DPP10: variants seen among roughly 807,000 people sequenced by gnomAD.
DPP10 encodes dipeptidyl peptidase like 10.
Under a neutral mutation model 120.9 loss-of-function variants are expected in DPP10, and 33 were observed. The observed-to-expected ratio is 0.27, with a 90% CI of 0.21 to 0.37. DPP10 has a LOEUF of 0.37. Among genes scored for constraint, DPP10 ranks in the 10% least tolerant of loss-of-function variants. The pLI is 1.00. For missense variants in DPP10, 816 were observed against 942.8 expected, an observed-to-expected ratio of 0.87 and a Z score of 1.76; for synonymous variants, 337 against 326.1, an observed-to-expected ratio of 1.03 and a Z score of -0.36.
intron 1 of DPP10, among the ~76,000 whole-genome samples, chr2:114,979,510 A>T (rs1344093751): frequency 6.6e-6 from 1 of 151,920 alleles, no homozygotes; most frequent in East Asian, 1.9e-4. Flanking sequence ...AATTTTTGTC[A>T]CTAGTTGAGT....
intron 2 of DPP10, among the ~76,000 whole-genome samples, chr2:115,338,494 G>C (rs897919540): frequency 2.5e-4 from 38 of 151,986 alleles, no homozygotes; most frequent in African/African-American, 8.4e-4. Flanking sequence ...TCTTGCCCAG[G>C]CTGGAGTGAA....
At chr2:115,465,801 G>A (rs1327158207) in intron 3 of DPP10, among the ~76,000 whole-genome samples, 2 of 151,514 alleles carry the variant, frequency 1.3e-5, no homozygotes, top group African/African-American at 4.8e-5. Flanking sequence ...CAGCCTGGGT[G>A]ACAGAGTGAG....
chr2:115,651,224 A>G (rs1030450207), intron 5 of DPP10, among the ~76,000 whole-genome samples: 3 of 152,096 alleles, frequency 2.0e-5, no homozygotes, highest in Admixed American at 6.6e-5. Flanking sequence ...AAGCGAGAGA[A>G]CAAACAAAAT....
intron 1 of DPP10, among the ~76,000 whole-genome samples, chr2:115,232,058 G>A (rs753915231): frequency 1.1e-4 from 17 of 152,084 alleles, no homozygotes; most frequent in Admixed American, 6.6e-4. Context: ...TCAAGAGGAC[G>A]TACTTTGGCT....
intron 1 of DPP10, among the ~76,000 whole-genome samples, chr2:115,038,051 T>C (rs1704350265): frequency 6.6e-6 from 1 of 152,134 alleles, no homozygotes. Context: ...TTCTTATTTT[T>C]GTTTGTTTAT....
At chr2:114,757,166 T>G (rs1390455857) in intron 1 of DPP10, among the ~76,000 whole-genome samples, 469 of 73,122 alleles carry the variant, frequency 6.4e-3, no homozygotes, top group Middle Eastern at 0.013. Flanking sequence ...GGGAGAGAGG[T>G]GGGAGAAAAG....
intron 3 of DPP10, among the ~76,000 whole-genome samples, chr2:115,445,669 A>G: frequency 6.6e-6 from 1 of 152,230 alleles, no homozygotes; most frequent in East Asian, 1.9e-4. Flanking sequence ...AAAGCATTCA[A>G]GAGGTGACAG....
intron 1 of DPP10, among the ~76,000 whole-genome samples, chr2:114,682,195 C>T (rs1014598094): frequency 6.6e-6 from 1 of 151,968 alleles, no homozygotes; most frequent in Non-Finnish European, 1.5e-5. Flanking sequence ...TCCCCATCCT[C>T]TCTCTGAAGG....
intron 1 of DPP10, among the ~76,000 whole-genome samples, chr2:114,686,319 A>C (rs1351520027): frequency 1.1e-4 from 17 of 151,946 alleles, no homozygotes; most frequent in Non-Finnish European, 2.9e-5. Context: ...ATTGAGGTAC[A>C]TATGTAAAGT....
chr2:115,056,000 A>G (rs753067430), intron 1 of DPP10, among the ~76,000 whole-genome samples: 1 of 152,262 alleles, frequency 6.6e-6, no homozygotes, highest in African/African-American at 2.4e-5. Context: ...TGGAAATTAT[A>G]AAGAATGCAA....
chr2:115,169,624 T>C (rs2053165059), intron 1 of DPP10, among the ~76,000 whole-genome samples: 1 of 152,168 alleles, frequency 6.6e-6, no homozygotes, highest in Non-Finnish European at 1.5e-5. Context: ...AATATTCTCT[T>C]TCCAGAAGTT....
At chr2:115,397,662 G>A (rs1447253977) in intron 3 of DPP10, among the ~76,000 whole-genome samples, 1 of 152,172 alleles carries the variant, frequency 6.6e-6, no homozygotes, top group Non-Finnish European at 1.5e-5. Flanking sequence ...GCATGATGTT[G>A]TCACTGCTGC....
intron 1 of DPP10, among the ~76,000 whole-genome samples, chr2:114,517,857 C>T (rs1203582918): frequency 6.6e-6 from 1 of 152,132 alleles, no homozygotes; most frequent in African/African-American, 2.4e-5. Flanking sequence ...ATGAATCAAG[C>T]CACAAAAGGA....
At chr2:114,466,949 C>T (rs577978878) in intron 1 of DPP10, among the ~76,000 whole-genome samples, 3 of 148,470 alleles carry the variant, frequency 2.0e-5, no homozygotes, top group African/African-American at 7.5e-5. Flanking sequence ...TCCGGAAGCA[C>T]AAAAATTGCT....
chr2:115,125,536 G>A (rs2050028049), intron 1 of DPP10, among the ~76,000 whole-genome samples: 1 of 148,308 alleles, frequency 6.7e-6, no homozygotes, highest in Non-Finnish European at 1.5e-5. Flanking sequence ...TCCTCAAATA[G>A]TGAGCCACCT....
At chr2:114,628,444 C>G (rs563755350) in intron 1 of DPP10, among the ~76,000 whole-genome samples, 1 of 152,212 alleles carries the variant, frequency 6.6e-6, no homozygotes, top group Non-Finnish European at 1.5e-5. Context: ...ATTGTCCCAT[C>G]ATTTTATTAG....
chr2:115,316,402 A>G (rs13018346), intron 2 of DPP10, among the ~76,000 whole-genome samples: 3,951 of 152,214 alleles, frequency 0.026, 68 homozygotes, highest in South Asian at 0.059. Flanking sequence ...TTTCCCCTTT[A>G]TTCTTTCCTA....
chr2:115,291,589 A>C (rs2060656197), intron 1 of DPP10, among the ~76,000 whole-genome samples: 2 of 151,790 alleles, frequency 1.3e-5, no homozygotes, highest in Admixed American at 1.3e-4. Flanking sequence ...ATCAATATTT[A>C]ATTTATTTAC....
chr2:114,472,788 T>C (rs1037906334), intron 1 of DPP10, among the ~76,000 whole-genome samples: 2 of 152,218 alleles, frequency 1.3e-5, no homozygotes, highest in African/African-American at 4.8e-5. Flanking sequence ...TGATGTGTTC[T>C]AGCATTGTGA....
Sources: gnomAD v4.1 joint callset for allele counts (sites outside exome capture counted in the v4.1 genomes callset) on GRCh38, gnomAD v4.1.1 for gene constraint, MANE v1.5 for transcripts, NCBI Gene and HGNC (gene_info 2026-07-23, HGNC 2026-07-21) for gene names.